Variants in WNT8B observed in about 807,000 individuals in gnomAD.
The protein encoded by WNT8B is protein Wnt-8b.
A neutral mutation model predicts 36.6 loss-of-function variants in WNT8B; 24 were observed. The observed-to-expected ratio is 0.66, with a 90% CI of 0.48 to 0.92. The LOEUF (loss-of-function observed/expected upper bound fraction) is 0.92. Among genes scored for constraint, WNT8B ranks in the 40% least tolerant of loss-of-function variants. The pLI is 0.00. For synonymous variants in WNT8B, 199 were observed against 189.8 expected (o/e 1.05, Z -0.40); for missense variants, 402 against 470.8 (o/e 0.85, Z 1.35).
At chr10:100,467,223 T>C (rs1162755317) in intron 1 of WNT8B, among the ~76,000 whole-genome samples, 1 of 152,196 alleles carries the variant, frequency 6.6e-6, no homozygotes, top group East Asian at 1.9e-4. Flanking sequence ...TTCATTTCTC[T>C]GTATGCTTCT....
intron 3 of WNT8B, 23 bp downstream of exon 3, chr10:100,480,035 C>A (rs1198513664): frequency 6.2e-7 from 1 of 1,610,712 alleles, no homozygotes; most frequent in Admixed American, 1.7e-5. Flanking sequence ...TCAGCCACAG[C>A]TCCCTGGACC....
At chr10:100,465,126 A>G (rs1337010272) in intron 1 of WNT8B, among the ~76,000 whole-genome samples, 1 of 152,194 alleles carries the variant, frequency 6.6e-6, no homozygotes, top group Non-Finnish European at 1.5e-5. Context: ...ACTATCTAAA[A>G]GAGTCCATCA....
Position 100,479,074 on chromosome 10 carries a change from A to G in WNT8B, c.91A>G (p.Thr31Ala). ...HSWSVNNFLMTGPKAYLIYSS... is the reference protein window; with the variant it reads ...HSWSVNNFLMAGPKAYLIYSS... ...TAGGTCGGTGAACAATTTCCTGATG[A>G]CTGGTCCAAAGGTAAGAACAAATTC... Residue 31 changes from threonine to alanine, a missense_variant, in exon 2 of 6, where the codon ACT becomes GCT. By Grantham distance (58) the Thr-to-Ala change is moderately conservative. Coordinates refer to ENST00000343737, the MANE Select transcript of WNT8B (RefSeq NM_003393.4). 2 of 1,602,068 alleles carry G rather than the reference A, an allele frequency of 1.2e-6. No homozygotes were observed. The highest frequency in any genetic ancestry group is 1.7e-6 in the Non-Finnish European group (2 of 1,177,080).
At chr10:100,479,749 A>T in intron 2 of WNT8B, 125 bp from the exon 3 acceptor site, 1 of 1,228,968 alleles carries the variant, frequency 8.1e-7, no homozygotes, top group Non-Finnish European at 1.1e-6. Context: ...ATGAGACAGC[A>T]TATTTAAAGG....
intron 1 of WNT8B, among the ~76,000 whole-genome samples, chr10:100,472,662 C>T (rs1399672345): frequency 2.6e-5 from 4 of 152,160 alleles, no homozygotes; most frequent in Non-Finnish European, 5.9e-5. Flanking sequence ...ACAGCTAACA[C>T]AAGAAGAAGA....
chr10:100,474,345 A>T (rs1179455884), intron 1 of WNT8B, among the ~76,000 whole-genome samples: 8 of 147,608 alleles, frequency 5.4e-5, no homozygotes, highest in Non-Finnish European at 9.0e-5. Flanking sequence ...TTAAATTTAC[A>T]TCTTCAGTGT....
At chr10:100,467,439 T>A (rs565947729) in intron 1 of WNT8B, among the ~76,000 whole-genome samples, 14 of 152,298 alleles carry the variant, frequency 9.2e-5, no homozygotes, top group African/African-American at 3.4e-4. Context: ...AGTCTTTCTA[T>A]GCAGCTCCAT....
At position 100,482,351 on chromosome 10, in the gene WNT8B, G is replaced by A; in HGVS notation, c.591G>A (p.Gln197=). ...GSCTTQTCWL[Q]LPEFREVGAH... ...GCACCACGCAGACCTGTTGGCTGCAGCTGCCCGAGTTCCGCGAGGTGGGCG... is the reference window on the plus strand; with the variant it reads ...GCACCACGCAGACCTGTTGGCTGCAACTGCCCGAGTTCCGCGAGGTGGGCG... Residue 197 remains glutamine (Q), a synonymous_variant, in exon 6 of 6, where the codon CAG becomes CAA. Transcript: ENST00000343737. The surrounding 1 kb of genome is among the most constrained non-coding windows in gnomAD (Gnocchi z 6.6). 3 of 1,604,738 alleles carry A rather than the reference G, an allele frequency of 1.9e-6. No individual in the cohort carries two copies. The highest frequency in any genetic ancestry group is 2.5e-6 in the Non-Finnish European group (3 of 1,179,888).
rs771454991 is a variant in WNT8B, at chr10:100,482,763, C to T, written c.1003C>T (p.Arg335Cys). The T allele has an allele frequency of 6.3e-7, 1 of 1,591,872 alleles. No individual in the cohort carries two copies. Among genetic ancestry groups the T allele is most frequent in the Non-Finnish European group, 8.6e-7 (1 of 1,168,176 alleles). The change falls in exon 6 of 6, where the codon CGC becomes TGC. Residue 335 changes from arginine (R) to cysteine (C), a missense_variant. This residue lies in a region of WNT8B where 256 missense variants were observed against 278.6 expected (regional missense o/e 0.92). Coordinates refer to ENST00000343737, the MANE Select transcript of WNT8B (RefSeq NM_003393.4). The surrounding 1 kb of genome is among the most constrained non-coding windows in gnomAD (Gnocchi z 6.6). ...GAGGGTCACCAAGTACTTCTGTAGC[C>T]GCGCAGAGCGGCCGCGGGGGGGCGC... The part of the protein sequence containing the change: ...RRRVTKYFCS[R>C]AERPRGGAAH...
intron 1 of WNT8B, among the ~76,000 whole-genome samples, chr10:100,469,880 T>C (rs1034032839): frequency 6.6e-6 from 1 of 152,204 alleles, no homozygotes; most frequent in Non-Finnish European, 1.5e-5. Flanking sequence ...GAAAAGCTGC[T>C]GTCAGAACTC....
intron 1 of WNT8B, among the ~76,000 whole-genome samples, chr10:100,465,782 G>C (rs1299079380): frequency 6.6e-6 from 1 of 151,944 alleles, no homozygotes; most frequent in African/African-American, 2.4e-5. Context: ...ATCATCTTTT[G>C]GTCCTCTACA....
At chr10:100,478,642 C>T (rs1040242305) in intron 1 of WNT8B, among the ~76,000 whole-genome samples, 13 of 151,180 alleles carry the variant, frequency 8.6e-5, no homozygotes, top group African/African-American at 1.5e-4. Flanking sequence ...AGTGCAGTGG[C>T]GCAATCTCGG....
chr10:100,470,875 T>G (rs966493003), intron 1 of WNT8B, among the ~76,000 whole-genome samples: 1 of 152,180 alleles, frequency 6.6e-6, no homozygotes, highest in Non-Finnish European at 1.5e-5. Flanking sequence ...CCCAAGTAGC[T>G]GGGACTACAA....
At chr10:100,470,444 T>C (rs146497339) in intron 1 of WNT8B, among the ~76,000 whole-genome samples, 72 of 152,296 alleles carry the variant, frequency 4.7e-4, no homozygotes, top group African/African-American at 1.7e-3. Flanking sequence ...TTGCCCAGGC[T>C]GGTTTCAAAC....
intron 3 of WNT8B, 61 bp from the exon 4 acceptor site, chr10:100,480,937 G>T: frequency 6.3e-7 from 1 of 1,579,390 alleles, no homozygotes; most frequent in Non-Finnish European, 8.7e-7. Flanking sequence ...AAGGTAGCAT[G>T]TCTGGTATTT....
chr10:100,473,291 A>G (rs1850998906), intron 1 of WNT8B, among the ~76,000 whole-genome samples: 1 of 152,250 alleles, frequency 6.6e-6, no homozygotes, highest in Non-Finnish European at 1.5e-5. Context: ...AATATAATCT[A>G]CATACTATAA....
At chr10:100,474,270 G>A (rs1371107680) in intron 1 of WNT8B, among the ~76,000 whole-genome samples, 2 of 152,134 alleles carry the variant, frequency 1.3e-5, no homozygotes, top group Non-Finnish European at 1.5e-5. Context: ...CTCCATCTGG[G>A]AGTATACTGT....
chr10:100,482,844 A>C lies in WNT8B; in HGVS notation c.*28A>C. ...GTTTCCTCTGCCCCCTCCTTTTCCC[A>C]CTGGTTCTTGGCTTCCTTTAGAGAC... On this transcript the variant is annotated 3_prime_UTR_variant, in exon 6 of 6. Coordinates refer to ENST00000343737, the MANE Select transcript of WNT8B (RefSeq NM_003393.4). This position sits in a 1 kb window ranked among gnomAD's most constrained non-coding sequence, Gnocchi z 6.6. The C allele has an allele frequency of 6.8e-7, 1 of 1,461,192 alleles. No individual in the cohort carries two copies. Among genetic ancestry groups the C allele is most frequent in the Admixed American group, 2.6e-5 (1 of 39,004 alleles). The allele number at this position is 1,461,192 out of a possible 1,614,324, so 90.5% of individuals were successfully genotyped here.
intron 1 of WNT8B, among the ~76,000 whole-genome samples, chr10:100,470,188 C>T (rs1850960172): frequency 6.6e-6 from 1 of 152,030 alleles, no homozygotes; most frequent in Non-Finnish European, 1.5e-5. Flanking sequence ...CTGGAGTGTA[C>T]AATCTTGGCT....
Sources: gnomAD v4.1 joint callset for allele counts (sites outside exome capture counted in the v4.1 genomes callset) on GRCh38, gnomAD v4.1.1 for gene constraint, gnomAD v4.1.1 regional missense constraint, Gnocchi (gnomAD v3.1) non-coding constraint, MANE v1.5 for transcripts, NCBI Gene and HGNC (gene_info 2026-07-23, HGNC 2026-07-21) for gene names.